The following ARFIP1 variants were observed in gnomAD, a reference collection of about 807,000 sequenced individuals.
ARFIP1 encodes the protein ARF interacting protein 1, also known as arfaptin-1.
In ARFIP1, 24 loss-of-function variants were observed where a neutral mutation model predicts 42.5. The observed-to-expected ratio is 0.57, with a 90% confidence interval of 0.41 to 0.80. ARFIP1 has a LOEUF of 0.80. Among genes scored for constraint, ARFIP1 ranks in the 30% least tolerant of loss-of-function variants. The pLI, the probability that ARFIP1 is intolerant of heterozygous loss-of-function variation, is 0.00. For missense variants in ARFIP1, 354 were observed against 434.0 expected (o/e 0.82, Z 1.64); for synonymous variants, 141 against 153.7 (o/e 0.92, Z 0.61).
intron 1 of ARFIP1, chr4:152,810,275 T>C (rs1729343894): frequency 6.6e-6 from 1 of 152,206 alleles, no homozygotes; most frequent in South Asian, 2.1e-4. Flanking sequence ...CAAAAGCTGA[T>C]TGGTAAATTT....
At chr4:152,804,471 T>TAAC in intron 1 of ARFIP1, among the ~76,000 whole-genome samples, 9 of 109,356 alleles carry the variant, frequency 8.2e-5, no homozygotes, top group African/African-American at 2.3e-4. Flanking sequence ...ATATATAATA[T>TAAC]ATATAATATA....
intron 1 of ARFIP1, among the ~76,000 whole-genome samples, chr4:152,787,885 A>T (rs1382329530): frequency 6.6e-6 from 1 of 152,222 alleles, no homozygotes; most frequent in Non-Finnish European, 1.5e-5. Context: ...GGGATAATCA[A>T]CCTGTAATTA....
At chr4:152,794,739 G>A (rs1258356475) in intron 1 of ARFIP1, among the ~76,000 whole-genome samples, 1 of 151,982 alleles carries the variant, frequency 6.6e-6, no homozygotes. Context: ...TTTACTTATC[G>A]TCTATTGTGA....
rs189930357 is a variant in ARFIP1 at position 152,911,848 on chromosome 4, C to G, written c.*1629C>G. Reference sequence around the variant, plus strand: ...ATTACTACTTGTGATAGTTCATTTACATTCCCCAGAATGTGCCTCTAGTGT... The same window carrying G: ...ATTACTACTTGTGATAGTTCATTTAGATTCCCCAGAATGTGCCTCTAGTGT... On this transcript the variant is annotated 3_prime_UTR_variant, in exon 9 of 9. Transcript: ENST00000353617. 1 of 152,674 alleles carries G rather than the reference C, an allele frequency of 6.5e-6. No homozygotes were observed. The highest frequency in any genetic ancestry group is 6.5e-5 in the Admixed American group (1 of 15,304). The allele number at this position is 152,674 out of a possible 1,614,324, so 9.5% of individuals were successfully genotyped here.
In ARFIP1 at chr4:152,881,079, A is replaced by T. The variant is rs892744749; in HGVS notation, c.528A>T (p.Leu176Phe). 3.7e-6 allele frequency: 6 copies of T among 1,613,672 alleles called. No homozygotes were observed. In the Admixed American group the frequency reaches 5.0e-5, roughly 13 times the overall value. ...RDNKKKYENI[L>F]KLAQTLSTQL... ...ACAAGAAAAAATATGAAAATATTTT[A>T]AAACTGGCTCAAACATTGTCGACCC... is the stretch of plus-strand genomic sequence containing the variant. Residue 176 changes from leucine to phenylalanine, a missense_variant, in exon 6 of 9, where the codon TTA becomes TTT. Coordinates refer to ENST00000353617, the MANE Select transcript of ARFIP1 (RefSeq NM_001025595.3).
At chr4:152,884,882 T>C (rs1736138515) in intron 7 of ARFIP1, among the ~76,000 whole-genome samples, 1 of 152,096 alleles carries the variant, frequency 6.6e-6, no homozygotes, top group Non-Finnish European at 1.5e-5. Flanking sequence ...CATTTGGAAC[T>C]TTTGAACAAA....
At chr4:152,797,946 G>A (rs114896999) in intron 1 of ARFIP1, among the ~76,000 whole-genome samples, 8 of 152,008 alleles carry the variant, frequency 5.3e-5, no homozygotes, top group East Asian at 1.9e-4. Context: ...GGCTAATACC[G>A]CTGGTATGAT....
intron 1 of ARFIP1, among the ~76,000 whole-genome samples, chr4:152,782,223 G>GGTGTGT (rs71598214): frequency 0.019 from 2,790 of 148,602 alleles, 58 homozygotes; most frequent in East Asian, 0.068. Context: ...AACAGGTAGG[G>GGTGTGT]GTGTGTGTGT....
At position 152,797,649 on chromosome 4, in the gene ARFIP1, G is replaced by A. The variant is rs1261596799; in HGVS notation, c.-10+17423G>A. On this transcript the variant is annotated intron_variant, in intron 1 of 8. Transcript: ENST00000353617. ...TCAGTGGTGCTGAAATTTTCCTTGT[G>A]TAGTTTTTACACATTGTTTAGTTTA... Among the ~76,000 whole-genome samples, 3 of 152,052 alleles carry A rather than the reference G, an allele frequency of 2.0e-5. No individual in the cohort carries two copies. The East Asian group carries it at 5.8e-4, about 29-fold the overall frequency.
intron 2 of ARFIP1, among the ~76,000 whole-genome samples, chr4:152,856,924 AG>A (rs1214300037): frequency 6.6e-6 from 1 of 152,198 alleles, no homozygotes; most frequent in Non-Finnish European, 1.5e-5. Flanking sequence ...TCTTTCAGAG[AG>A]GGAAGATTCT....
intron 7 of ARFIP1, among the ~76,000 whole-genome samples, chr4:152,886,535 A>T (rs1174798622): frequency 6.6e-6 from 1 of 151,930 alleles, no homozygotes; most frequent in Admixed American, 6.6e-5. Flanking sequence ...CTGTATCCCA[A>T]TTCACCTAGC....
intron 8 of ARFIP1, among the ~76,000 whole-genome samples, chr4:152,904,198 A>ATTTTTT (rs36092561): frequency 1.7e-4 from 22 of 126,688 alleles, no homozygotes; most frequent in African/African-American, 6.5e-4. Flanking sequence ...ATATATATAT[A>ATTTTTT]TTTTTTTTTT....
At chr4:152,866,470 C>T (rs1215348841) in intron 3 of ARFIP1, among the ~76,000 whole-genome samples, 1 of 151,228 alleles carries the variant, frequency 6.6e-6, no homozygotes, top group Non-Finnish European at 1.5e-5. Flanking sequence ...CCTCACCTCC[C>T]GGACGGGGCA....
At chr4:152,908,891 AG>A (rs1178006838) in intron 8 of ARFIP1, among the ~76,000 whole-genome samples, 1 of 132,464 alleles carries the variant, frequency 7.5e-6, no homozygotes. Context: ...GCTAGAGAGA[AG>A]TGTGTGTGTG....
chr4:152,885,040 A>G (rs902854956), intron 7 of ARFIP1, among the ~76,000 whole-genome samples: 1 of 152,052 alleles, frequency 6.6e-6, no homozygotes, highest in Non-Finnish European at 1.5e-5. Context: ...TCAAATTACA[A>G]TGTATGATCT....
At chr4:152,906,111 A>G (rs1043313235) in intron 8 of ARFIP1, among the ~76,000 whole-genome samples, 2 of 152,172 alleles carry the variant, frequency 1.3e-5, no homozygotes, top group Non-Finnish European at 2.9e-5. Context: ...ACTTGGGCCC[A>G]TGATCCATTT....
intron 1 of ARFIP1, among the ~76,000 whole-genome samples, chr4:152,803,061 T>C (rs1728549905): frequency 6.6e-6 from 1 of 152,064 alleles, no homozygotes; most frequent in Admixed American, 6.6e-5. Context: ...AGGGTAAAGA[T>C]GAAGTTAGTG....
intron 1 of ARFIP1, among the ~76,000 whole-genome samples, chr4:152,795,833 T>TTTTTTTTTTTTTTTTTTTG (rs1731427539): frequency 7.4e-6 from 1 of 135,944 alleles, no homozygotes. Flanking sequence ...TTTTTTTTTT[T>TTTTTTTTTTTTTTTTTTTG]TTTTTTTTTT....
intron 6 of ARFIP1, among the ~76,000 whole-genome samples, chr4:152,881,960 T>G (rs1561167327): frequency 6.6e-6 from 1 of 152,204 alleles, no homozygotes; most frequent in African/African-American, 2.4e-5. Context: ...TGGAGAATTA[T>G]CAAATTAAAT....
Sources: gnomAD v4.1 joint callset for allele counts (sites outside exome capture counted in the v4.1 genomes callset) on GRCh38, gnomAD v4.1.1 for gene constraint, MANE v1.5 for transcripts, NCBI Gene and HGNC (gene_info 2026-07-23, HGNC 2026-07-21) for gene names.